CFAP299: variants seen among roughly 807,000 people sequenced by gnomAD.
CFAP299 encodes the protein cilia- and flagella-associated protein 299.
In CFAP299, 21 loss-of-function variants were observed where a neutral mutation model predicts 27.0. The ratio of observed to expected loss-of-function variants is 0.78; its 90% CI spans 0.55 to 1.12. CFAP299 has a LOEUF of 1.12. CFAP299 is among the 50% of genes most tolerant of loss of function. CFAP299 has a pLI of 0.00. For synonymous variants in CFAP299, 104 were observed against 98.1 expected (o/e 1.06, Z -0.36); for missense variants, 310 against 276.6 (o/e 1.12, Z -0.86).
chr4:80,937,802 T>C lies in CFAP299; in HGVS notation c.477-7008T>C, dbSNP rs372560625. The stretch of plus-strand genomic sequence containing the variant: ...TCAAAATGTTTTGTAGTTCTTGTTC[T>C]CTTTTTTATCTTTTGCTATTTTCCT... On this transcript the variant is annotated intron_variant, in intron 4 of 5. Transcript: ENST00000358105. 4.6e-5 allele frequency among the ~76,000 whole-genome samples: 7 copies of C among 152,300 alleles called. No individual in the cohort carries two copies. In the South Asian group the frequency reaches 8.3e-4, roughly 18 times the overall value.
chr4:80,447,126 TTTTG>T (rs1728661722), intron 2 of CFAP299, among the ~76,000 whole-genome samples: 1 of 118,158 alleles, frequency 8.5e-6, no homozygotes, highest in African/African-American at 3.5e-5. Context: ...TTTGTTTTTT[TTTTG>T]TTTTTTTTTT....
chr4:80,519,198 A>ATG (rs200784820), intron 2 of CFAP299, among the ~76,000 whole-genome samples: 9 of 145,346 alleles, frequency 6.2e-5, no homozygotes, highest in East Asian at 4.0e-4. Flanking sequence ...GTGTGTGTGT[A>ATG]TGTGTGTGTG....
intron 3 of CFAP299, among the ~76,000 whole-genome samples, chr4:80,765,277 C>G (rs2110080307): frequency 6.6e-6 from 1 of 152,212 alleles, no homozygotes; most frequent in African/African-American, 2.4e-5. Flanking sequence ...CTCATGTCTT[C>G]CAGGAAGCCT....
At chr4:80,920,789 G>C (rs17005003) in intron 4 of CFAP299, among the ~76,000 whole-genome samples, 1 of 152,042 alleles carries the variant, frequency 6.6e-6, no homozygotes. Context: ...GAAAGGGAGA[G>C]TTCAGATGTG....
chr4:80,721,821 G>GA (rs529492510), intron 3 of CFAP299, among the ~76,000 whole-genome samples: 40 of 151,952 alleles, frequency 2.6e-4, no homozygotes, highest in East Asian at 2.3e-3. Context: ...AGACCAAAAA[G>GA]AAAAAAACTG....
intron 3 of CFAP299, among the ~76,000 whole-genome samples, chr4:80,648,346 T>C (rs908012498): frequency 2.0e-5 from 3 of 152,134 alleles, no homozygotes; most frequent in African/African-American, 4.8e-5. Flanking sequence ...AAGGCCTTAT[T>C]TATGGTTTTA....
the CFAP299 span, among the ~76,000 whole-genome samples, chr4:80,326,311 T>A: frequency 6.6e-6 from 1 of 152,166 alleles, no homozygotes; most frequent in Non-Finnish European, 1.5e-5. Context: ...TCTGTTCATG[T>A]CAAATCCTTG....
At chr4:80,731,685 ACAAT>A (rs1353118114) in intron 3 of CFAP299, among the ~76,000 whole-genome samples, 11 of 152,180 alleles carry the variant, frequency 7.2e-5, no homozygotes, top group African/African-American at 2.2e-4. Flanking sequence ...TGATTTTACC[ACAAT>A]CAAATAGTAT....
chr4:80,872,518 A>G (rs1266124202), intron 4 of CFAP299: 1 of 152,172 alleles, frequency 6.6e-6, no homozygotes, highest in Non-Finnish European at 1.5e-5. Context: ...ATTTGAAGCC[A>G]GAAACACAAA....
intron 4 of CFAP299, among the ~76,000 whole-genome samples, chr4:80,903,404 T>C (rs1735024925): frequency 6.6e-6 from 1 of 152,122 alleles, no homozygotes; most frequent in Admixed American, 6.6e-5. Flanking sequence ...TAAAAGAAAA[T>C]TGAAATCTGA....
chr4:80,709,525 C>T (rs1454292219), intron 3 of CFAP299, among the ~76,000 whole-genome samples: 4 of 152,106 alleles, frequency 2.6e-5, no homozygotes, highest in Non-Finnish European at 5.9e-5. Context: ...CCTGAAGGAG[C>T]CAATGCTTCA....
intron 3 of CFAP299, among the ~76,000 whole-genome samples, chr4:80,745,713 A>G (rs1205895064): frequency 1.3e-5 from 2 of 151,962 alleles, no homozygotes; most frequent in Non-Finnish European, 2.9e-5. Flanking sequence ...CTTTATTTAG[A>G]TTTCTGAAAT....
intron 2 of CFAP299, among the ~76,000 whole-genome samples, chr4:80,555,669 G>A (rs11937634): frequency 0.081 from 12,255 of 151,958 alleles, 563 homozygotes; most frequent in Middle Eastern, 0.2. Flanking sequence ...CTGATTCAAT[G>A]TCAGAGTTTA....
chr4:80,817,916 G>T (rs561873033), intron 3 of CFAP299, among the ~76,000 whole-genome samples: 13 of 151,716 alleles, frequency 8.6e-5, no homozygotes, highest in African/African-American at 3.1e-4. Flanking sequence ...GTGCCGTGGT[G>T]GTTTGCTGCA....
At chr4:80,368,352 T>A (rs1299622758) in intron 2 of CFAP299, among the ~76,000 whole-genome samples, 1 of 152,216 alleles carries the variant, frequency 6.6e-6, no homozygotes, top group African/African-American at 2.4e-5. Flanking sequence ...TATTCTCAAG[T>A]ATATCTGGAA....
intron 2 of CFAP299, among the ~76,000 whole-genome samples, chr4:80,460,609 AT>A (rs1229276499): frequency 1.3e-5 from 2 of 152,210 alleles, no homozygotes; most frequent in Middle Eastern, 3.4e-3. Context: ...CTAGTTGATG[AT>A]TTTTTTATGC....
intron 2 of CFAP299, among the ~76,000 whole-genome samples, chr4:80,572,702 A>G (rs1735654394): frequency 6.6e-6 from 1 of 151,556 alleles, no homozygotes; most frequent in South Asian, 2.1e-4. Flanking sequence ...TATCTTTAGC[A>G]GAGATGGGGT....
chr4:80,504,462 CAT>C (rs56729877), intron 2 of CFAP299, among the ~76,000 whole-genome samples: 1,899 of 37,666 alleles, frequency 0.05, 18 homozygotes, highest in Admixed American at 0.058. Flanking sequence ...TAAAATCTCA[CAT>C]ATATATATAT....
intron 3 of CFAP299, among the ~76,000 whole-genome samples, chr4:80,865,624 A>G (rs1732675876): frequency 6.6e-6 from 1 of 152,162 alleles, no homozygotes; most frequent in Non-Finnish European, 1.5e-5. Flanking sequence ...GTTCATTAGA[A>G]AAATATTTTA....
Sources: allele counts gnomAD v4.1 joint callset (sites outside exome capture counted in the v4.1 genomes callset), GRCh38; gene constraint gnomAD v4.1.1; transcripts MANE v1.5; gene names NCBI Gene and HGNC (gene_info 2026-07-23, HGNC 2026-07-21).